Variants in TET3 observed in about 807,000 individuals in gnomAD.
TET3 encodes tet methylcytosine dioxygenase 3.
In TET3, 19 loss-of-function variants were observed where a neutral mutation model predicts 141.4. The ratio of observed to expected loss-of-function variants is 0.13; its 90% CI spans 0.09 to 0.20. The LOEUF is 0.20. TET3 is among the 10% of genes least tolerant of loss of function. The pLI is 1.00. For missense variants in TET3, 1,874 were observed against 2,356.9 expected (o/e 0.80, Z 4.24); for synonymous variants, 1,043 against 980.9 (o/e 1.06, Z -1.18).
rs113887734 is a variant in TET3, at chr2:74,093,821, C to T, written c.3267+155C>T. 7.4e-4 allele frequency among the ~76,000 whole-genome samples: 113 copies of T among 152,284 alleles called. No individual in the cohort carries two copies. Among genetic ancestry groups the T allele is most frequent in the African/African-American group, 2.6e-3 (106 of 41,556 alleles). On this transcript the variant is annotated intron_variant, in intron 10 of 11. Coordinates refer to ENST00000409262, the MANE Select transcript of TET3 (RefSeq NM_001287491.2). The surrounding 1 kb of genome is among the most constrained non-coding windows in gnomAD (Gnocchi z 4.2). ...TTCCCTGCAAGACGGCCTGCCTTCG[C>T]CCACCTCCCAGAGAAAACCTCACCA...
At chr2:74,039,287 T>G (rs1687222820) in intron 3 of TET3, among the ~76,000 whole-genome samples, 1 of 152,192 alleles carries the variant, frequency 6.6e-6, no homozygotes, top group South Asian at 2.1e-4. Context: ...ATTCTTCCCC[T>G]TCTTCCAAAA....
In TET3 at chr2:74,087,948, G is replaced by A. The variant is rs1436733238; in HGVS notation, c.2798G>A (p.Arg933His). 6.4e-6 allele frequency: 10 copies of A among 1,554,374 alleles called. No homozygotes were observed. The highest frequency in any genetic ancestry group is 2.4e-5 in the South Asian group (2 of 84,148). The change falls in exon 7 of 12, where the codon CGT (arginine) becomes CAT (histidine). Residue 933 changes from arginine (R) to histidine (H), a missense_variant. Arg to His is a conservative substitution (Grantham distance 29, BLOSUM62 0). Coordinates refer to ENST00000409262, the MANE Select transcript of TET3 (RefSeq NM_001287491.2). This position sits in a 1 kb window ranked among gnomAD's most constrained non-coding sequence, Gnocchi z 4.3. The stretch of plus-strand genomic sequence containing the variant: ...ATCCTGGCCTGGGAGGGCATTCCCC[G>A]TAGCCTCGGAGACACCCTCTACCAG... ...ILILAWEGIP[R>H]SLGDTLYQEL...
chr2:74,094,057 T>C (rs1327340215), intron 10 of TET3, among the ~76,000 whole-genome samples: 1 of 152,212 alleles, frequency 6.6e-6, no homozygotes, highest in Non-Finnish European at 1.5e-5. Flanking sequence ...CTGCTCTGCA[T>C]GCTGCGGGAT....
chr2:73,999,120 C>T (rs1684728141), intron 2 of TET3, among the ~76,000 whole-genome samples: 1 of 152,178 alleles, frequency 6.6e-6, no homozygotes, highest in Non-Finnish European at 1.5e-5. Flanking sequence ...TCATTCAGGA[C>T]ACAGCCATGG....
rs532545124 is a variant in TET3, at chr2:74,006,199, C to G, written c.360+3033C>G. On this transcript the variant is annotated intron_variant, in intron 3 of 11. Transcript: ENST00000409262. The stretch of plus-strand genomic sequence containing the variant: ...TTCCTACTTCCAGCCACTTCTCTCT[C>G]GGGTATGTTTATAAGCAGCAGCCAG... Among the ~76,000 whole-genome samples the G allele has an allele frequency of 9.2e-5, 14 of 152,304 alleles. 1 individual carries two copies. The East Asian group carries it at 2.3e-3, about 25-fold the overall frequency.
Position 74,087,282 on chromosome 2 carries a change from G to C in TET3, c.2680-548G>C, listed in dbSNP as rs1690215969. 6.6e-6 allele frequency among the ~76,000 whole-genome samples: 1 copy of C among 152,158 alleles called. No individual in the cohort carries two copies. The highest frequency in any genetic ancestry group is 1.5e-5 in the Non-Finnish European group (1 of 68,022). ...GTGAATAGTGCTGCAGTGAACGTGG[G>C]TATTCAGGGATCTGCCTGAGTCCTG... On this transcript the variant is annotated intron_variant, in intron 6 of 11. Coordinates refer to ENST00000409262, the MANE Select transcript of TET3 (RefSeq NM_001287491.2). This position sits in a 1 kb window ranked among gnomAD's most constrained non-coding sequence, Gnocchi z 4.3.
the TET3 span, among the ~76,000 whole-genome samples, chr2:74,133,050 A>T: frequency 3.4e-5 from 5 of 148,910 alleles, no homozygotes; most frequent in Non-Finnish European, 7.4e-5. Context: ...GGCATGTGCC[A>T]CTATGCCTGG....
At position 74,099,678 on chromosome 2, in the gene TET3, T is replaced by A. The variant is rs920468708; in HGVS notation, c.3604+66T>A. On this transcript the variant is annotated intron_variant, in intron 11 of 11. Coordinates refer to ENST00000409262, the MANE Select transcript of TET3 (RefSeq NM_001287491.2). ...CTGTCCTCATGGGGGCCCCTGCTCT[T>A]CCACGCACCCTCCTGCATCACACTG... 9.3e-5 allele frequency: 132 copies of A among 1,420,926 alleles called. 1 individual carries two copies. The highest frequency in any genetic ancestry group is 2.5e-4 in the East Asian group (10 of 39,848). The allele number at this position is 1,420,926 out of a possible 1,614,324, so 88.0% of individuals were successfully genotyped here. A position where few individuals can be genotyped will look rare whatever the true frequency, so the allele number is the denominator to read the frequency against.
At chr2:74,113,954 C>T in the TET3 span, among the ~76,000 whole-genome samples, 1 of 151,994 alleles carries the variant, frequency 6.6e-6, no homozygotes, top group Admixed American at 6.6e-5. Flanking sequence ...AAAAAAAAAT[C>T]CTAAAATTTG....
chr2:74,116,073 A>G, the TET3 span, among the ~76,000 whole-genome samples: 3 of 151,932 alleles, frequency 2.0e-5, no homozygotes, highest in Admixed American at 6.6e-5. Flanking sequence ...GACATTTCTC[A>G]AAAGAAGACA....
chr2:74,120,056 G>T, the TET3 span, among the ~76,000 whole-genome samples: 2 of 152,208 alleles, frequency 1.3e-5, no homozygotes, highest in Non-Finnish European at 2.9e-5. Context: ...CTGAAGCCCT[G>T]TTACCTCGGG....
At chr2:74,134,222 C>T in the TET3 span, among the ~76,000 whole-genome samples, 1 of 152,138 alleles carries the variant, frequency 6.6e-6, no homozygotes, top group African/African-American at 2.4e-5. Flanking sequence ...ACCTGAAAGC[C>T]GTCCCTGGGG....
intron 3 of TET3, among the ~76,000 whole-genome samples, chr2:74,035,900 C>T (rs1202249847): frequency 1.3e-5 from 2 of 151,814 alleles, no homozygotes; most frequent in African/African-American, 2.4e-5. Flanking sequence ...CGCCTGTAGT[C>T]CCAGCTACTT....
At chr2:74,095,796 G>A (rs917778111) in intron 10 of TET3, among the ~76,000 whole-genome samples, 1 of 152,216 alleles carries the variant, frequency 6.6e-6, no homozygotes, top group Non-Finnish European at 1.5e-5. Flanking sequence ...TAAACCACAG[G>A]GAGAGGCCAT....
chr2:74,133,866 T>C, the TET3 span, among the ~76,000 whole-genome samples: 1 of 152,174 alleles, frequency 6.6e-6, no homozygotes, highest in Non-Finnish European at 1.5e-5. Context: ...TGCCTCAGCC[T>C]CCTGAGTAGC....
At chr2:74,113,031 A>AAC (rs1572922327), downstream of TET3, among the ~76,000 whole-genome samples, 5 of 150,252 alleles carry the variant, frequency 3.3e-5, no homozygotes, top group East Asian at 9.7e-4. Flanking sequence ...AAAAAAAAAA[A>AAC]AAAACCCACA....
chr2:74,061,507 G>A (rs1573821662), intron 4 of TET3, among the ~76,000 whole-genome samples: 1 of 140,368 alleles, frequency 7.1e-6, no homozygotes, highest in African/African-American at 2.7e-5. Flanking sequence ...GCGGCTGGCT[G>A]GGCAGAGGGG....
At chr2:73,987,366 A>C (rs75383251) in intron 2 of TET3, among the ~76,000 whole-genome samples, 2,741 of 152,252 alleles carry the variant, frequency 0.018, 89 homozygotes, top group African/African-American at 0.063. Flanking sequence ...GACACTGTCA[A>C]CCCCAGGGAG....
chr2:74,092,935 G>T lies in TET3; in HGVS notation c.3073G>T (p.Ala1025Ser). ...EVLRKSFQDL[A>S]TEVAPLYKRL... ...GCTCCGGAAGAGTTTCCAGGACCTG[G>T]CCACCGAAGTCGCTCCCCTGTACAA... Residue 1025 changes from alanine (A) to serine (S), a missense_variant, in exon 9 of 12, where the codon GCC becomes TCC. Around this residue, in one of 10 missense-constraint regions of TET3, gnomAD observed 126 missense variants for 327.4 expected, o/e 0.38. Coordinates refer to ENST00000409262, the MANE Select transcript of TET3 (RefSeq NM_001287491.2). 1 of 1,591,388 alleles carries T rather than the reference G, an allele frequency of 6.3e-7. No homozygotes were observed. Among genetic ancestry groups the T allele is most frequent in the East Asian group, 2.3e-5 (1 of 43,638 alleles).
Sources: gnomAD v4.1 joint callset for allele counts (sites outside exome capture counted in the v4.1 genomes callset) on GRCh38, gnomAD v4.1.1 for gene constraint, gnomAD v4.1.1 regional missense constraint, Gnocchi (gnomAD v3.1) non-coding constraint, MANE v1.5 for transcripts, NCBI Gene and HGNC (gene_info 2026-07-23, HGNC 2026-07-21) for gene names.